Variants in BRWD1 observed in about 807,000 individuals in gnomAD.
BRWD1 encodes bromodomain and WD repeat-containing protein 1.
BRWD1 carries 82 observed loss-of-function variants against 251.2 expected under a neutral mutation model. The ratio of observed to expected loss-of-function variants is 0.33; its 90% confidence interval spans 0.27 to 0.39. The LOEUF is 0.39. Among genes scored for constraint, BRWD1 ranks in the 10% least tolerant of loss-of-function variants. The pLI is 1.00. For synonymous variants in BRWD1, 918 were observed against 902.8 expected, an observed-to-expected ratio of 1.02 and a Z score of -0.30; for missense variants, 2,233 against 2,711.6, an observed-to-expected ratio of 0.82 and a Z score of 3.92.
At position 39,228,574 on chromosome 21, in the gene BRWD1, T is replaced by C; in HGVS notation, c.3134A>G (p.Asp1045Gly). 6.2e-7 allele frequency: 1 copy of C among 1,609,096 alleles called. No individual in the cohort carries two copies. The highest frequency in any genetic ancestry group is 8.5e-7 in the Non-Finnish European group (1 of 1,175,924). ...MDKSFSIRYHDMPDVIDFLVL... is the reference protein window; with the variant it reads ...MDKSFSIRYHGMPDVIDFLVL... ...AAGAAAGTCAATAACATCTGGCATA[T>C]CATGATATCTAGACAAAAATTTAAA... The change falls in exon 27 of 41, where the codon GAT becomes GGT. Residue 1045 changes from aspartate (D) to glycine (G), a missense_variant. Physicochemically the swap from Asp to Gly is moderately conservative, Grantham distance 94. Around this residue, in one of 12 missense-constraint regions of BRWD1, gnomAD observed 139 missense variants for 272.8 expected, o/e 0.51. Coordinates refer to ENST00000342449, the MANE Select transcript of BRWD1 (RefSeq NM_033656.4).
chr21:39,256,597 G>A (rs535421715), intron 18 of BRWD1, among the ~76,000 whole-genome samples: 4 of 152,170 alleles, frequency 2.6e-5, no homozygotes, highest in African/African-American at 7.2e-5. Flanking sequence ...CCCATGAGCT[G>A]GAAGCCACAG....
At chr21:39,286,141 A>C (rs2035631618) in intron 8 of BRWD1, among the ~76,000 whole-genome samples, 1 of 150,790 alleles carries the variant, frequency 6.6e-6, no homozygotes, top group South Asian at 2.1e-4. Flanking sequence ...CGGTCTCCCG[A>C]GTAGCTGGGA....
rs368315354 is a variant in BRWD1 at position 39,188,142 on chromosome 21, T to C, written c.*8117A>G. On this transcript the variant is annotated 3_prime_UTR_variant, in exon 41 of 41. Coordinates refer to ENST00000342449, the MANE Select transcript of BRWD1 (RefSeq NM_033656.4). ...TGTCTCAAAGCCAAATTTTCAAATT[T>C]CACAAACAAGTCTAATTAGTACTCT... 34 of 985,278 alleles carry C rather than the reference T, an allele frequency of 3.5e-5. No homozygotes were observed. The African/African-American group carries it at 5.4e-4, about 16-fold the overall frequency. 61.0% of individuals were successfully genotyped at this position (985,278 alleles called of 1,614,324 possible).
At chr21:39,298,604 A>G (rs1383390822) in intron 4 of BRWD1, 22 bp from the exon 5 acceptor site, 1 of 1,562,346 alleles carries the variant, frequency 6.4e-7, no homozygotes, top group Non-Finnish European at 8.6e-7. Flanking sequence ...GCAAGTTTTA[A>G]TGACAACAGC....
Position 39,248,665 on chromosome 21 carries a change from A to C in BRWD1, c.2350-833T>G, listed in dbSNP as rs866861285. Among the ~76,000 whole-genome samples, 217 of 134,496 alleles carry C rather than the reference A, an allele frequency of 1.6e-3. 9 individuals carry two copies. The highest frequency in any genetic ancestry group is 3.0e-3 in the African/African-American group (116 of 38,238). 88.2% of individuals were successfully genotyped at this position (134,496 alleles called of 152,430 possible). ...CCAAAAAAAAAAAAAAAAAAAAAAA[A>C]AAAAAAAAAAAAAAAACACTGGGGG... On this transcript the variant is annotated intron_variant, in intron 20 of 40. Transcript: ENST00000342449.
chr21:39,291,784 C>T (rs1435458162), intron 8 of BRWD1, among the ~76,000 whole-genome samples: 1 of 152,202 alleles, frequency 6.6e-6, no homozygotes, highest in African/African-American at 2.4e-5. Context: ...TGCATCTGCA[C>T]ACCCTGTGCT....
At position 39,191,494 on chromosome 21, in the gene BRWD1, A is replaced by G; in HGVS notation, c.*4765T>C. On this transcript the variant is annotated 3_prime_UTR_variant, in exon 41 of 41. Transcript: ENST00000342449. ...ACTGACAAAAATCATCTAAATGAATAGATTAATTTAGAACATTAACGATCT... is the reference window on the plus strand; with the variant it reads ...ACTGACAAAAATCATCTAAATGAATGGATTAATTTAGAACATTAACGATCT... 7.2e-6 allele frequency: 7 copies of G among 973,290 alleles called. No individual in the cohort carries two copies. Among genetic ancestry groups the G allele is most frequent in the Non-Finnish European group, 8.5e-6 (7 of 818,912 alleles). The allele number at this position is 973,290 out of a possible 1,614,324, so 60.3% of individuals were successfully genotyped here. A position where few individuals can be genotyped will look rare whatever the true frequency, so the allele number is the denominator to read the frequency against.
intron 39 of BRWD1, among the ~76,000 whole-genome samples, chr21:39,199,906 A>C (rs1485112649): frequency 6.6e-6 from 1 of 152,092 alleles, no homozygotes; most frequent in Non-Finnish European, 1.5e-5. Context: ...ACCAGTCACC[A>C]TGCCTGGCTA....
In BRWD1 at chr21:39,187,485, A is replaced by G. The variant is rs2031307324; in HGVS notation, c.*8774T>C. ...AACACAAGATTTTACTACTGCTAAC[A>G]TTCCTCAACAACACTCATTCGGAAA... On this transcript the variant is annotated 3_prime_UTR_variant, in exon 41 of 41. Coordinates refer to ENST00000342449, the MANE Select transcript of BRWD1 (RefSeq NM_033656.4). 1 of 1,488,864 alleles carries G rather than the reference A, an allele frequency of 6.7e-7. No homozygotes were observed. Among genetic ancestry groups the G allele is most frequent in the Admixed American group, 2.5e-5 (1 of 39,686 alleles). The allele number at this position is 1,488,864 out of a possible 1,614,324, so 92.2% of individuals were successfully genotyped here.
chr21:39,286,255 T>C (rs1255783452), intron 8 of BRWD1, among the ~76,000 whole-genome samples: 1 of 152,040 alleles, frequency 6.6e-6, no homozygotes, highest in Non-Finnish European at 1.5e-5. Context: ...GCTGACCTCG[T>C]GATCTGCCCG....
At chr21:39,284,404 A>T (rs1020797159) in intron 8 of BRWD1, among the ~76,000 whole-genome samples, 2 of 152,216 alleles carry the variant, frequency 1.3e-5, no homozygotes, top group African/African-American at 2.4e-5. Flanking sequence ...ACTTGAGCTC[A>T]TAAGTTTGAG....
chr21:39,233,954 A>G (rs1329443538), intron 23 of BRWD1, among the ~76,000 whole-genome samples: 1 of 152,200 alleles, frequency 6.6e-6, no homozygotes, highest in Admixed American at 6.5e-5. Flanking sequence ...CGGGAGGTGG[A>G]GGTTGCAGTG....
In BRWD1 at chr21:39,282,058, A is replaced by G. The variant is rs868306798; in HGVS notation, c.832-1810T>C. On this transcript the variant is annotated intron_variant, in intron 8 of 40. Coordinates refer to ENST00000342449, the MANE Select transcript of BRWD1 (RefSeq NM_033656.4). ...TATATGTATGTACATATGTATATAT[A>G]CACGTATACGTATATATGGACATAT... is the stretch of plus-strand genomic sequence containing the variant. 9.2e-5 allele frequency among the ~76,000 whole-genome samples: 14 copies of G among 151,892 alleles called. No individual in the cohort carries two copies. In the South Asian group the frequency reaches 2.5e-3, roughly 27 times the overall value.
intron 23 of BRWD1, chr21:39,235,471 G>T (rs908928569): frequency 1.5e-4 from 24 of 157,868 alleles, no homozygotes; most frequent in Admixed American, 4.5e-4. Flanking sequence ...TGCCTCTCCA[G>T]CATTGCTCAA....
At chr21:39,252,051 G>C (rs2034412036) in intron 19 of BRWD1, among the ~76,000 whole-genome samples, 1 of 151,976 alleles carries the variant, frequency 6.6e-6, no homozygotes, top group South Asian at 2.1e-4. Flanking sequence ...TGGATCACCT[G>C]AGGTCAGGAG....
rs2031210462 is a variant in BRWD1 at position 39,186,029 on chromosome 21, A to G, written c.*10230T>C. ...CAGGCCACAATGAAATAGGCCAAAC[A>G]TGCTACCATTAAAGTTTGTTGGGAT... On this transcript the variant is annotated 3_prime_UTR_variant, in exon 41 of 41. Coordinates refer to ENST00000342449, the MANE Select transcript of BRWD1 (RefSeq NM_033656.4). 1 of 152,222 alleles carries G rather than the reference A, an allele frequency of 6.6e-6. No individual in the cohort carries two copies. Among genetic ancestry groups the G allele is most frequent in the South Asian group, 2.1e-4 (1 of 4,834 alleles). 9.4% of individuals were successfully genotyped at this position (152,222 alleles called of 1,614,324 possible). A position where few individuals can be genotyped will look rare whatever the true frequency, so the allele number is the denominator to read the frequency against.
chr21:39,200,217 A>G lies in BRWD1; in HGVS notation c.4753+2T>C. ...CCATAAAAGTACTACTGAGTCTCTTACCAGTTTTTCTTTGAGCAGCTCTAG... is the reference window on the plus strand; with the variant it reads ...CCATAAAAGTACTACTGAGTCTCTTGCCAGTTTTTCTTTGAGCAGCTCTAG... On this transcript the variant is annotated splice_donor_variant, in intron 39 of 40. Coordinates refer to ENST00000342449, the MANE Select transcript of BRWD1 (RefSeq NM_033656.4). LOFTEE classifies it high-confidence loss of function. 1 of 1,600,762 alleles carries G rather than the reference A, an allele frequency of 6.2e-7. No homozygotes were observed. The highest frequency in any genetic ancestry group is 1.1e-5 in the South Asian group (1 of 87,852).
intron 21 of BRWD1, among the ~76,000 whole-genome samples, chr21:39,247,470 A>C (rs2034235966): frequency 1.3e-5 from 2 of 152,180 alleles, no homozygotes; most frequent in Admixed American, 1.3e-4. Context: ...TGCATTTCAA[A>C]ATTCTGAGTT....
At chr21:39,222,133 A>T (rs2033202627) in intron 29 of BRWD1, among the ~76,000 whole-genome samples, 1 of 152,124 alleles carries the variant, frequency 6.6e-6, no homozygotes, top group Non-Finnish European at 1.5e-5. Flanking sequence ...TGCTCCAAAA[A>T]AACCATTTGT....
Sources: gnomAD v4.1 joint callset for allele counts (sites outside exome capture counted in the v4.1 genomes callset) on GRCh38, gnomAD v4.1.1 for gene constraint, gnomAD v4.1.1 regional missense constraint, MANE v1.5 for transcripts, NCBI Gene and HGNC (gene_info 2026-07-23, HGNC 2026-07-21) for gene names.